The following HIPK3 variants were observed in gnomAD, a reference collection of about 807,000 sequenced individuals.
The protein encoded by HIPK3 is homeodomain interacting protein kinase 3.
HIPK3 carries 47 observed loss-of-function variants against 124.2 expected under a neutral mutation model. The observed-to-expected ratio is 0.38, with a 90% confidence interval of 0.30 to 0.48. The LOEUF (loss-of-function observed/expected upper bound fraction) is 0.48, where lower values mean the gene tolerates loss of function less well. HIPK3 is among the 20% of genes least tolerant of loss of function. The pLI is 0.98. For missense variants in HIPK3, 1,286 were observed against 1,454.3 expected (o/e 0.88, Z 1.88); for synonymous variants, 482 against 515.2 (o/e 0.94, Z 0.87).
At chr11:33,322,876 T>A (rs1318200013) in intron 2 of HIPK3, among the ~76,000 whole-genome samples, 1 of 152,154 alleles carries the variant, frequency 6.6e-6, no homozygotes, top group Non-Finnish European at 1.5e-5. Context: ...TTTGAATATA[T>A]GTTCCATCAA....
chr11:33,353,304 T>G lies in HIPK3; in HGVS notation c.3384T>G (p.Ser1128Arg). 6.2e-7 allele frequency: 1 copy of G among 1,614,166 alleles called. No individual in the cohort carries two copies. Among genetic ancestry groups the G allele is most frequent in the East Asian group, 2.2e-5 (1 of 44,890 alleles). ...LLPYPSSATL[S>R]SAAPVAHLLA... ...CATACCCATCATCAGCCACCCTCAG[T>G]AGTGCTGCACCAGTGGCCCACCTGT... is the stretch of plus-strand genomic sequence containing the variant. Residue 1128 changes from serine to arginine, a missense_variant, in exon 17 of 17, where the codon AGT becomes AGG. By Grantham distance (110) the Ser-to-Arg change is moderately radical (BLOSUM62 -1). Coordinates refer to ENST00000303296, the MANE Select transcript of HIPK3 (RefSeq NM_005734.5).
chr11:33,350,941 T>C (rs1271280728), intron 14 of HIPK3, among the ~76,000 whole-genome samples: 16 of 152,046 alleles, frequency 1.1e-4, no homozygotes, highest in Non-Finnish European at 5.9e-5. Flanking sequence ...CAAATATACG[T>C]ATAAGATATA....
intron 3 of HIPK3, among the ~76,000 whole-genome samples, chr11:33,329,089 G>A (rs1312350326): frequency 6.6e-6 from 1 of 151,796 alleles, no homozygotes; most frequent in Admixed American, 6.6e-5. Flanking sequence ...TGTTTTGAGT[G>A]GTGCTGAAAT....
At chr11:33,312,521 C>T (rs890880788) in intron 2 of HIPK3, among the ~76,000 whole-genome samples, 2 of 152,112 alleles carry the variant, frequency 1.3e-5, no homozygotes, top group African/African-American at 4.8e-5. Context: ...TCATCGAATA[C>T]ATCTTTAAGG....
intron 12 of HIPK3, 32 bp from the exon 13 acceptor site, chr11:33,348,490 A>G (rs1190148023): frequency 6.6e-7 from 1 of 1,514,702 alleles, no homozygotes; most frequent in African/African-American, 1.4e-5. Flanking sequence ...TATTTTGATT[A>G]TAGAAATTAT....
At chr11:33,332,167 A>G (rs976471790) in intron 3 of HIPK3, among the ~76,000 whole-genome samples, 11 of 152,226 alleles carry the variant, frequency 7.2e-5, no homozygotes, top group Non-Finnish European at 1.0e-4. Context: ...CATATTTATC[A>G]TGTCTTAAAA....
rs1226408380 is a variant in HIPK3, at chr11:33,286,708, G to A, written c.294G>A (p.Gln98=). Residue 98 remains glutamine (Q), a synonymous_variant, in exon 2 of 17, where the codon CAG becomes CAA. Coordinates refer to ENST00000303296, the MANE Select transcript of HIPK3 (RefSeq NM_005734.5). ...GTGCTACAAAGGTCATAGCAGCTCA[G>A]GCACAGCAAGCTCACGTGCAGGCAC... ...TAGATKVIAA[Q]AQQAHVQAPQ... 5 of 1,613,972 alleles carry A rather than the reference G, an allele frequency of 3.1e-6. No individual in the cohort carries two copies. The highest frequency in any genetic ancestry group is 4.2e-6 in the Non-Finnish European group (5 of 1,180,016).
At chr11:33,319,496 CA>C (rs34485674) in intron 2 of HIPK3, among the ~76,000 whole-genome samples, 291 of 115,714 alleles carry the variant, frequency 2.5e-3, no homozygotes, top group African/African-American at 4.9e-3. Context: ...AACTCCATCT[CA>C]AAAAAAAAAA....
chr11:33,306,524 T>A (rs902870653), intron 2 of HIPK3, among the ~76,000 whole-genome samples: 1 of 152,316 alleles, frequency 6.6e-6, no homozygotes. Flanking sequence ...TGTCTGATAG[T>A]CCTAAATATT....
chr11:33,325,453 A>AT (rs1290588849), intron 2 of HIPK3, among the ~76,000 whole-genome samples: 1 of 152,178 alleles, frequency 6.6e-6, no homozygotes, highest in Admixed American at 6.5e-5. Flanking sequence ...TTGCATTCAG[A>AT]TTAGTATATG....
chr11:33,277,507 TATA>T (rs1851304004), intron 1 of HIPK3, among the ~76,000 whole-genome samples: 1 of 152,238 alleles, frequency 6.6e-6, no homozygotes, highest in African/African-American at 2.4e-5. Flanking sequence ...TACATAAATA[TATA>T]ATAATTGTGA....
At chr11:33,270,358 T>C (rs1237969969) in intron 1 of HIPK3, among the ~76,000 whole-genome samples, 1 of 151,298 alleles carries the variant, frequency 6.6e-6, no homozygotes, top group East Asian at 1.9e-4. Context: ...ACCCAGGCTG[T>C]AGTGCAATGG....
chr11:33,266,465 A>C (rs1254488613), intron 1 of HIPK3, among the ~76,000 whole-genome samples: 1 of 152,196 alleles, frequency 6.6e-6, no homozygotes, highest in Non-Finnish European at 1.5e-5. Flanking sequence ...TGGGAGGCTG[A>C]AGTGGGTGGA....
intron 15 of HIPK3, 75 bp downstream of exon 15, chr11:33,351,918 T>A: frequency 7.9e-7 from 1 of 1,261,084 alleles, no homozygotes; most frequent in Middle Eastern, 1.9e-4. Flanking sequence ...AGAATGCAGT[T>A]GCCAAAGTCA....
intron 2 of HIPK3, among the ~76,000 whole-genome samples, chr11:33,324,998 ACT>A (rs752585463): frequency 5.9e-5 from 9 of 152,042 alleles, no homozygotes; most frequent in Non-Finnish European, 1.2e-4. Flanking sequence ...CCCAGTTAAA[ACT>A]CTTTTGTATT....
At chr11:33,337,384 TTC>T (rs557319106) in intron 4 of HIPK3, among the ~76,000 whole-genome samples, 190 bp downstream of exon 4, 2 of 152,070 alleles carry the variant, frequency 1.3e-5, no homozygotes, top group African/African-American at 4.8e-5. Context: ...GAGATGGAGT[TTC>T]TCTCTCTCGC....
At chr11:33,314,496 T>TA (rs1440945931) in intron 2 of HIPK3, among the ~76,000 whole-genome samples, 1 of 151,972 alleles carries the variant, frequency 6.6e-6, no homozygotes, top group Non-Finnish European at 1.5e-5. Flanking sequence ...CTACTAAAAA[T>TA]ACAAAAAAAT....
At chr11:33,269,253 T>G (rs901216832) in intron 1 of HIPK3, among the ~76,000 whole-genome samples, 3 of 152,160 alleles carry the variant, frequency 2.0e-5, no homozygotes, top group Non-Finnish European at 4.4e-5. Flanking sequence ...GTCGCTTTCC[T>G]TGATAAAGGT....
chr11:33,280,158 A>G (rs1203951282), intron 1 of HIPK3, among the ~76,000 whole-genome samples: 1 of 152,190 alleles, frequency 6.6e-6, no homozygotes. Flanking sequence ...TATTTTATGG[A>G]CAGCTCCAGC....
Sources: allele counts gnomAD v4.1 joint callset (sites outside exome capture counted in the v4.1 genomes callset), GRCh38; gene constraint gnomAD v4.1.1; transcripts MANE v1.5; gene names NCBI Gene and HGNC (gene_info 2026-07-23, HGNC 2026-07-21).